HMCN1: variants seen among roughly 807,000 people sequenced by gnomAD.
HMCN1 encodes hemicentin 1.
In HMCN1, 321 loss-of-function variants were observed where a neutral mutation model predicts 625.9. The observed-to-expected ratio is 0.51, with a 90% CI of 0.47 to 0.56. The LOEUF is 0.56. Ranked by LOEUF, HMCN1 falls within the 20% of genes least tolerant of loss-of-function variation. The probability of loss-of-function intolerance (pLI) is 0.00; values close to 1 mark genes in which losing one functional copy is unlikely to be tolerated. For missense variants in HMCN1, 6,588 were observed against 6,887.3 expected, an observed-to-expected ratio of 0.96 and a Z score of 1.54; for synonymous variants, 2,425 against 2,417.6, an observed-to-expected ratio of 1.00 and a Z score of -0.09.
At chr1:185,935,233 T>G (rs1667750980) in intron 11 of HMCN1, among the ~76,000 whole-genome samples, 1 of 151,246 alleles carries the variant, frequency 6.6e-6, no homozygotes, top group African/African-American at 2.5e-5. Context: ...GTTAACGTTA[T>G]AGTCCATAAT....
intron 4 of HMCN1, among the ~76,000 whole-genome samples, chr1:185,882,213 CTT>C (rs1664352754): frequency 6.6e-6 from 1 of 152,122 alleles, no homozygotes; most frequent in African/African-American, 2.4e-5. Flanking sequence ...CCATAGTAGA[CTT>C]TACAGATACT....
At chr1:185,831,122 C>T (rs901519378) in intron 1 of HMCN1, among the ~76,000 whole-genome samples, 3 of 152,082 alleles carry the variant, frequency 2.0e-5, no homozygotes, top group Non-Finnish European at 2.9e-5. Context: ...TTAGATCTTT[C>T]ATATTCATGT....
intron 1 of HMCN1, among the ~76,000 whole-genome samples, chr1:185,804,627 G>A (rs1333253578): frequency 6.6e-6 from 1 of 152,028 alleles, no homozygotes; most frequent in Non-Finnish European, 1.5e-5. Context: ...TTTTTAAAAC[G>A]AGTTCTTTTA....
In HMCN1 at chr1:185,993,194, C is replaced by A; in HGVS notation, c.3390C>A (p.Leu1130=). 1 of 1,612,454 alleles carries A rather than the reference C, an allele frequency of 6.2e-7. No individual in the cohort carries two copies. Among genetic ancestry groups the A allele is most frequent in the Non-Finnish European group, 8.5e-7 (1 of 1,178,674 alleles). ...TTCTTTCTTTTAGACACACATTCCT[C>A]CCTTCTGGTTCAATGAAGATCACTG... ...ISPFSPRHTF[L]PSGSMKITET... is the part of the protein sequence containing the mutation. The change falls in exon 23 of 107, where the codon CTC becomes CTA. Residue 1130 remains leucine (L), a synonymous_variant. Coordinates refer to ENST00000271588, the MANE Select transcript of HMCN1 (RefSeq NM_031935.3).
chr1:185,944,485 G>T (rs1196138187), intron 11 of HMCN1, among the ~76,000 whole-genome samples: 1 of 152,206 alleles, frequency 6.6e-6, no homozygotes, highest in Non-Finnish European at 1.5e-5. Flanking sequence ...CAAAGTGGAT[G>T]CAAGTCCCTA....
chr1:186,128,569 T>G (rs879487077), intron 83 of HMCN1, among the ~76,000 whole-genome samples: 1 of 152,042 alleles, frequency 6.6e-6, no homozygotes, highest in Admixed American at 6.6e-5. Flanking sequence ...GAAGGCAGTA[T>G]GTTTATATAG....
intron 11 of HMCN1, among the ~76,000 whole-genome samples, chr1:185,944,529 T>A (rs1469398245): frequency 2.0e-5 from 3 of 152,208 alleles, no homozygotes; most frequent in Non-Finnish European, 2.9e-5. Context: ...ATGACAGCAT[T>A]GTGTGTAATC....
At chr1:185,879,188 T>C (rs1477380002) in intron 4 of HMCN1, among the ~76,000 whole-genome samples, 1 of 152,194 alleles carries the variant, frequency 6.6e-6, no homozygotes, top group Non-Finnish European at 1.5e-5. Context: ...TTGTTTTGCT[T>C]GAGACAGGGT....
At chr1:186,023,286 G>T in intron 36 of HMCN1, 133 bp downstream of exon 36, 1 of 717,912 alleles carries the variant, frequency 1.4e-6, no homozygotes. Context: ...AAAAAACCTA[G>T]GGTTTTTTTT....
rs542490368 is a variant in HMCN1 at position 186,101,164 on chromosome 1, G to GA, written c.10574-2298dup. On this transcript the variant is annotated intron_variant, in intron 68 of 106. Coordinates refer to ENST00000271588, the MANE Select transcript of HMCN1 (RefSeq NM_031935.3). The stretch of plus-strand genomic sequence containing the variant: ...TTGGGTAGGCACCTACAACTAGGAA[G>GA]AAAAAAAAAACATTAAGTAAATGGT... Among the ~76,000 whole-genome samples the GA allele has an allele frequency of 3.9e-3, 576 of 147,778 alleles. 1 individual carries two copies. Among genetic ancestry groups the GA allele is most frequent in the African/African-American group, 9.5e-3 (385 of 40,412 alleles).
Position 186,171,390 on chromosome 1 carries a change from A to T in HMCN1, c.15628A>T (p.Ile5210Leu), listed in dbSNP as rs1346263270. Residue 5210 changes from isoleucine (I) to leucine (L), a missense_variant, in exon 101 of 107, where the codon ATA (isoleucine) becomes TTA (leucine). Around this residue, in one of 3 missense-constraint regions of HMCN1, gnomAD observed 1,954 missense variants for 2,013.1 expected, o/e 0.97. Coordinates refer to ENST00000271588, the MANE Select transcript of HMCN1 (RefSeq NM_031935.3). ...SPCHQRCFNA[I>L]GSFHCGCEPG... ...CTGTCACCAGCGCTGTTTCAATGCC[A>T]TAGGAAGTTTCCATTGTGGATGTGA... 6.2e-7 allele frequency: 1 copy of T among 1,613,526 alleles called. No individual in the cohort carries two copies. The highest frequency in any genetic ancestry group is 1.3e-5 in the African/African-American group (1 of 74,916).
intron 44 of HMCN1, among the ~76,000 whole-genome samples, chr1:186,054,248 A>G (rs1209995628): frequency 6.6e-6 from 1 of 151,980 alleles, no homozygotes; most frequent in African/African-American, 2.4e-5. Context: ...TTGGGGACAG[A>G]TAGTGGACAT....
At chr1:186,082,761 G>T (rs1302839923) in intron 56 of HMCN1, 104 bp from the exon 57 acceptor site, 2 of 496,686 alleles carry the variant, frequency 4.0e-6, no homozygotes, top group Non-Finnish European at 6.8e-6. Context: ...TTTCTATCTG[G>T]TATTAAATAG....
chr1:186,055,091 G>A (rs1383368112), intron 44 of HMCN1, among the ~76,000 whole-genome samples: 1 of 151,942 alleles, frequency 6.6e-6, no homozygotes, highest in Non-Finnish European at 1.5e-5. Flanking sequence ...ACTTACGTAA[G>A]GCAGGGCTAC....
intron 1 of HMCN1, among the ~76,000 whole-genome samples, chr1:185,739,570 C>T (rs1653833309): frequency 1.3e-5 from 2 of 152,012 alleles, no homozygotes; most frequent in Admixed American, 6.5e-5. Context: ...TTTTTCTTCT[C>T]TTTCACAATT....
intron 1 of HMCN1, among the ~76,000 whole-genome samples, chr1:185,838,553 A>T (rs1346200402): frequency 6.6e-6 from 1 of 152,122 alleles, no homozygotes; most frequent in East Asian, 1.9e-4. Context: ...GGAGTGGGAG[A>T]GCAGGTAGCA....
intron 81 of HMCN1, among the ~76,000 whole-genome samples, chr1:186,125,393 A>C (rs1295434666): frequency 6.6e-6 from 1 of 152,182 alleles, no homozygotes; most frequent in Non-Finnish European, 1.5e-5. Flanking sequence ...AAATATATTC[A>C]GTAAGTTCAA....
intron 11 of HMCN1, among the ~76,000 whole-genome samples, chr1:185,951,604 A>T (rs1668677767): frequency 6.6e-6 from 1 of 151,576 alleles, no homozygotes; most frequent in South Asian, 2.1e-4. Flanking sequence ...TCAGTCAGAG[A>T]GCCTTGGGCC....
intron 1 of HMCN1, among the ~76,000 whole-genome samples, chr1:185,780,340 T>C (rs1312721006): frequency 1.3e-5 from 2 of 152,210 alleles, no homozygotes; most frequent in Non-Finnish European, 2.9e-5. Flanking sequence ...GTCCTTTATG[T>C]CTTTCTCCTG....
Sources: gnomAD v4.1 joint callset for allele counts (sites outside exome capture counted in the v4.1 genomes callset) on GRCh38, gnomAD v4.1.1 for gene constraint, gnomAD v4.1.1 regional missense constraint, MANE v1.5 for transcripts, NCBI Gene and HGNC (gene_info 2026-07-23, HGNC 2026-07-21) for gene names.